EXT2: variants seen among roughly 807,000 people sequenced by gnomAD.
EXT2 encodes the protein exostosin-2.
Under a neutral mutation model 81.6 loss-of-function variants are expected in EXT2, and 53 were observed. The observed-to-expected ratio is 0.65, with a 90% confidence interval of 0.52 to 0.82. The LOEUF (loss-of-function observed/expected upper bound fraction) is 0.82, where lower values mean the gene tolerates loss of function less well. EXT2 is among the 40% of genes least tolerant of loss of function. The pLI is 0.00. For missense variants in EXT2, 774 were observed against 910.2 expected, an observed-to-expected ratio of 0.85 and a Z score of 1.93; for synonymous variants, 320 against 340.0, an observed-to-expected ratio of 0.94 and a Z score of 0.65.
At chr11:44,128,354 G>T (rs1284245011) in intron 6 of EXT2, among the ~76,000 whole-genome samples, 3 of 152,164 alleles carry the variant, frequency 2.0e-5, no homozygotes, top group Non-Finnish European at 4.4e-5. Context: ...AGAGCATGTA[G>T]TTATTCTTCA....
At chr11:44,231,794 T>G (rs1489163813) in intron 10 of EXT2, among the ~76,000 whole-genome samples, 1 of 152,174 alleles carries the variant, frequency 6.6e-6, no homozygotes, top group Non-Finnish European at 1.5e-5. Context: ...GTAAGGACCT[T>G]TCCAGATTTG....
At chr11:44,146,037 C>T (rs1590592934) in intron 7 of EXT2, among the ~76,000 whole-genome samples, 1 of 152,178 alleles carries the variant, frequency 6.6e-6, no homozygotes, top group African/African-American at 2.4e-5. Flanking sequence ...GCTGGAAGCC[C>T]AAGATCAACG....
chr11:44,143,493 G>C (rs569902897), intron 7 of EXT2, among the ~76,000 whole-genome samples: 8 of 152,310 alleles, frequency 5.3e-5, no homozygotes, highest in Admixed American at 4.6e-4. Context: ...ACTCATAGGT[G>C]TTTGTCGTCC....
chr11:44,117,868 C>CAGG (rs1292291930), intron 4 of EXT2, among the ~76,000 whole-genome samples: 1 of 152,102 alleles, frequency 6.6e-6, no homozygotes, highest in African/African-American at 2.4e-5. Flanking sequence ...CTCAGGTGAT[C>CAGG]CTCCTGCCTC....
At chr11:44,163,696 A>T (rs1361991453) in intron 7 of EXT2, among the ~76,000 whole-genome samples, 1 of 152,216 alleles carries the variant, frequency 6.6e-6, no homozygotes, top group African/African-American at 2.4e-5. Flanking sequence ...TGTCAATGTT[A>T]GTGTGTTAAG....
At chr11:44,173,920 TAA>T (rs1388718873) in intron 8 of EXT2, among the ~76,000 whole-genome samples, 8 of 152,222 alleles carry the variant, frequency 5.3e-5, no homozygotes, top group African/African-American at 1.9e-4. Context: ...TGTTTACACA[TAA>T]ATATGTGGAC....
At chr11:44,135,121 C>T (rs1289398530) in intron 7 of EXT2, among the ~76,000 whole-genome samples, 1 of 152,124 alleles carries the variant, frequency 6.6e-6, no homozygotes, top group African/African-American at 2.4e-5. Context: ...TATAGTTGGG[C>T]CTAGTAGTGA....
intron 1 of EXT2, chr11:44,096,212 A>G: frequency 2.0e-6 from 3 of 1,523,512 alleles, no homozygotes; most frequent in South Asian, 2.4e-5. Flanking sequence ...TCCTGCTGCC[A>G]CCTTCCCGCC....
intron 13 of EXT2, among the ~76,000 whole-genome samples, chr11:44,236,655 A>G (rs1564988438): frequency 6.6e-6 from 1 of 152,236 alleles, no homozygotes; most frequent in Non-Finnish European, 1.5e-5. Context: ...GCAGTTAACC[A>G]TCTACAGTCA....
At chr11:44,235,994 G>A (rs1398286634) in intron 12 of EXT2, among the ~76,000 whole-genome samples, 5 of 152,154 alleles carry the variant, frequency 3.3e-5, no homozygotes, top group Admixed American at 1.3e-4. Context: ...GTTTATACAA[G>A]GACCTTGGCA....
At chr11:44,234,400 A>G (rs546189409) in intron 12 of EXT2, among the ~76,000 whole-genome samples, 157 bp downstream of exon 12, 125 of 152,296 alleles carry the variant, frequency 8.2e-4, no homozygotes, top group African/African-American at 2.9e-3. Flanking sequence ...TCACATTGGG[A>G]AATTGAAGCT....
intron 9 of EXT2, 47 bp downstream of exon 9, chr11:44,198,065 C>T (rs774380930): frequency 1.3e-6 from 2 of 1,570,076 alleles, no homozygotes; most frequent in Admixed American, 1.7e-5. Flanking sequence ...TTTGGATGGC[C>T]AAATTATTCA....
intron 7 of EXT2, among the ~76,000 whole-genome samples, chr11:44,163,097 C>T (rs993759100): frequency 1.3e-5 from 2 of 152,204 alleles, no homozygotes; most frequent in Admixed American, 1.3e-4. Context: ...ACTTCCTCTG[C>T]TCTTCTGGAG....
intron 8 of EXT2, among the ~76,000 whole-genome samples, chr11:44,179,870 AATGTGTCTCCCAATTGATTAATTTTTT>A (rs1310594601): frequency 6.6e-6 from 1 of 151,664 alleles, no homozygotes; most frequent in East Asian, 1.9e-4. Context: ...CCAATTGATT[AATGTGTCTCCCAATTGATTAATTTTTT>A]ATGTGTCTCC....
In EXT2 at chr11:44,206,972, TAC is replaced by T. The variant is rs1429398829; in HGVS notation, c.1662+17_1662+18del. On this transcript the variant is annotated intron_variant, in intron 10 of 13. Coordinates refer to ENST00000533608, the MANE Select transcript of EXT2 (RefSeq NM_207122.2). ...ATTTGGTTATGAGGTAAGGAGGTTT[TAC>T]ACAGTGTGTTTATATGTTTAATATT... The T allele has an allele frequency of 1.9e-6, 3 of 1,613,494 alleles. No individual in the cohort carries two copies. The highest frequency in any genetic ancestry group is 1.7e-4 in the Middle Eastern group (1 of 6,060).
intron 8 of EXT2, among the ~76,000 whole-genome samples, chr11:44,196,050 T>A (rs1488516138): frequency 6.6e-6 from 1 of 152,208 alleles, no homozygotes; most frequent in African/African-American, 2.4e-5. Context: ...TCTTAATTAT[T>A]ATCAGTGCAA....
At chr11:44,148,489 G>A (rs1954750394) in intron 7 of EXT2, among the ~76,000 whole-genome samples, 1 of 152,178 alleles carries the variant, frequency 6.6e-6, no homozygotes, top group Non-Finnish European at 1.5e-5. Flanking sequence ...CCCAGCACAT[G>A]CTCCAGTGTT....
chr11:44,110,713 T>C (rs958194385), intron 3 of EXT2, among the ~76,000 whole-genome samples: 4 of 152,226 alleles, frequency 2.6e-5, no homozygotes, highest in Non-Finnish European at 5.9e-5. Context: ...CAAGTGCACA[T>C]GTTAAATGCG....
rs925569953 is a variant in EXT2, at chr11:44,200,162, A to G, written c.1495+2144A>G. 1.1e-4 allele frequency among the ~76,000 whole-genome samples: 16 copies of G among 152,094 alleles called. No homozygotes were observed. The East Asian group carries it at 2.7e-3, about 26-fold the overall frequency. On this transcript the variant is annotated intron_variant, in intron 9 of 13. Coordinates refer to ENST00000533608, the MANE Select transcript of EXT2 (RefSeq NM_207122.2). Reference sequence around the variant, plus strand: ...TAACATATATATTATAAAAAAAAAAAAAAGCAAGTCCAAGTCTTTGAAATA... The same window carrying G: ...TAACATATATATTATAAAAAAAAAAGAAAGCAAGTCCAAGTCTTTGAAATA...
Sources: allele counts gnomAD v4.1 joint callset (sites outside exome capture counted in the v4.1 genomes callset), GRCh38; gene constraint gnomAD v4.1.1; transcripts MANE v1.5; gene names NCBI Gene and HGNC (gene_info 2026-07-23, HGNC 2026-07-21).